The following CDH18 variants were observed in gnomAD, a reference collection of about 807,000 sequenced individuals.
CDH18 encodes cadherin 18.
Under a neutral mutation model 67.9 loss-of-function variants are expected in CDH18, and 31 were observed. That is an observed-to-expected ratio of 0.46 (90% CI 0.34 to 0.62). CDH18 has a LOEUF of 0.62. CDH18 is among the 20% of genes least tolerant of loss of function. CDH18 has a pLI of 0.01. For missense variants in CDH18, 890 were observed against 975.5 expected (o/e 0.91, Z 1.17); for synonymous variants, 362 against 347.2 (o/e 1.04, Z -0.48).
chr5:19,939,461 G>A (rs1356798343), intron 2 of CDH18, among the ~76,000 whole-genome samples: 1 of 151,202 alleles, frequency 6.6e-6, no homozygotes. Flanking sequence ...TTATAATCCA[G>A]GTTTATTTAG....
chr5:19,739,100 C>G (rs527419436), intron 4 of CDH18, among the ~76,000 whole-genome samples: 51 of 151,864 alleles, frequency 3.4e-4, no homozygotes, highest in South Asian at 6.2e-4. Flanking sequence ...GATATTGGAA[C>G]AATTATGTTC....
chr5:19,508,333 A>G (rs1188041296), intron 10 of CDH18, among the ~76,000 whole-genome samples: 2 of 152,088 alleles, frequency 1.3e-5, no homozygotes, highest in Non-Finnish European at 2.9e-5. Context: ...CAAATTTTCT[A>G]TCCCTTTGTC....
At chr5:20,362,770 A>G (rs1265758849) in intron 1 of CDH18, among the ~76,000 whole-genome samples, 6 of 152,108 alleles carry the variant, frequency 3.9e-5, no homozygotes, top group Admixed American at 3.9e-4. Context: ...AGTATTCTAA[A>G]TCTTTACCTT....
intron 2 of CDH18, among the ~76,000 whole-genome samples, chr5:19,935,181 G>T (rs1331859500): frequency 6.6e-6 from 1 of 151,158 alleles, no homozygotes; most frequent in Admixed American, 6.6e-5. Context: ...AAATATACCT[G>T]TTCATGACCA....
chr5:20,259,608 A>G (rs1401454188), intron 1 of CDH18, among the ~76,000 whole-genome samples: 2 of 152,168 alleles, frequency 1.3e-5, no homozygotes, highest in African/African-American at 4.8e-5. Context: ...TTTAGAATAC[A>G]GTATTTAATA....
chr5:19,642,836 A>G (rs1754209366), intron 5 of CDH18, among the ~76,000 whole-genome samples: 1 of 152,124 alleles, frequency 6.6e-6, no homozygotes, highest in Non-Finnish European at 1.5e-5. Context: ...AGTTCCATCA[A>G]ATTAACAATT....
At chr5:19,966,992 CATATA>C (rs1797509711) in intron 2 of CDH18, among the ~76,000 whole-genome samples, 1 of 151,356 alleles carries the variant, frequency 6.6e-6, no homozygotes, top group Admixed American at 6.6e-5. Flanking sequence ...ATAGCACATC[CATATA>C]ATATATTTGC....
In CDH18 at chr5:19,593,732, C is replaced by CTTCTTCTTCTTG. The variant is rs1554055013; in HGVS notation, c.812-2489_812-2488insCAAGAAGAAGAA. The stretch of plus-strand genomic sequence containing the variant: ...CCTTCTTCTTCTTCTTCTTCTTCTT[C>CTTCTTCTTCTTG]TTCTTCTTCTTCTTCTTCTTCTTCT... On this transcript the variant is annotated intron_variant, in intron 6 of 12. Coordinates refer to ENST00000382275, the MANE Select transcript of CDH18 (RefSeq NM_004934.5). 2.1e-3 allele frequency among the ~76,000 whole-genome samples: 272 copies of CTTCTTCTTCTTG among 129,228 alleles called. 6 individuals carry two copies. Among genetic ancestry groups the CTTCTTCTTCTTG allele is most frequent in the Middle Eastern group, 3.8e-3 (1 of 266 alleles). The allele number at this position is 129,228 out of a possible 152,430, so 84.8% of individuals were successfully genotyped here.
At chr5:20,208,164 A>T (rs973727262) in intron 2 of CDH18, among the ~76,000 whole-genome samples, 5 of 152,122 alleles carry the variant, frequency 3.3e-5, no homozygotes, top group African/African-American at 1.2e-4. Flanking sequence ...TCAGGAACTT[A>T]CAACCATGGC....
intron 1 of CDH18, among the ~76,000 whole-genome samples, chr5:20,476,079 T>A (rs1278740662): frequency 1.3e-5 from 2 of 152,136 alleles, no homozygotes; most frequent in Non-Finnish European, 2.9e-5. Flanking sequence ...TGGGAAAAAT[T>A]CTCAGCTTGC....
intron 2 of CDH18, among the ~76,000 whole-genome samples, chr5:20,204,453 G>A (rs1739717528): frequency 6.6e-6 from 1 of 151,868 alleles, no homozygotes; most frequent in Non-Finnish European, 1.5e-5. Context: ...ATACCTGAGA[G>A]AATTAATGAA....
chr5:20,334,750 T>TCACACACACA (rs1395879379), intron 1 of CDH18, among the ~76,000 whole-genome samples: 10 of 99,276 alleles, frequency 1.0e-4, no homozygotes, highest in Admixed American at 2.9e-4. Flanking sequence ...TCTCTCTCTC[T>TCACACACACA]CATACACACA....
At chr5:20,537,518 G>C (rs1320684429) in intron 1 of CDH18, among the ~76,000 whole-genome samples, 1 of 151,974 alleles carries the variant, frequency 6.6e-6, no homozygotes, top group Non-Finnish European at 1.5e-5. Flanking sequence ...ACAAAACATG[G>C]TCCTATTAAT....
intron 2 of CDH18, among the ~76,000 whole-genome samples, chr5:20,010,860 C>G (rs1393251283): frequency 6.6e-6 from 1 of 152,114 alleles, no homozygotes; most frequent in Non-Finnish European, 1.5e-5. Context: ...TCCTAAGACT[C>G]TCACGTGTAT....
Position 19,838,828 on chromosome 5 carries a change from C to T in CDH18, c.159G>A (p.Arg53=). The change falls in exon 3 of 13, where the codon AGG becomes AGA. Residue 53 remains arginine (R), a synonymous_variant. Coordinates refer to ENST00000382275, the MANE Select transcript of CDH18 (RefSeq NM_004934.5). ...GETEVHHRPK[R]GWVWNQFFVL... The stretch of plus-strand genomic sequence containing the variant: ...CAAAGAACTGATTCCATACCCATCC[C>T]CTTTTGGGACGATGATGGACTTCGG... The T allele has an allele frequency of 6.2e-7, 1 of 1,614,008 alleles. No homozygotes were observed. Among genetic ancestry groups the T allele is most frequent in the South Asian group, 1.1e-5 (1 of 91,084 alleles).
At chr5:20,523,477 A>C (rs893915565) in intron 1 of CDH18, among the ~76,000 whole-genome samples, 2 of 152,176 alleles carry the variant, frequency 1.3e-5, no homozygotes, top group Non-Finnish European at 2.9e-5. Context: ...ATGTAATCTT[A>C]AAACTCATTT....
intron 6 of CDH18, among the ~76,000 whole-genome samples, chr5:19,608,092 C>T (rs190008345): frequency 1.6e-4 from 24 of 151,006 alleles, no homozygotes; most frequent in East Asian, 7.8e-4. Context: ...CAATAACAGA[C>T]GAGCAAAAAT....
At chr5:20,056,907 G>C (rs1020382062) in intron 2 of CDH18, among the ~76,000 whole-genome samples, 12 of 151,220 alleles carry the variant, frequency 7.9e-5, no homozygotes, top group African/African-American at 2.9e-4. Context: ...GGATGGTCTC[G>C]ATCTCCTGAC....
At chr5:19,599,962 C>T (rs535787075) in intron 6 of CDH18, among the ~76,000 whole-genome samples, 19 of 152,094 alleles carry the variant, frequency 1.2e-4, no homozygotes, top group African/African-American at 4.6e-4. Context: ...CCATAATGTT[C>T]TCCATGTTTT....
Sources: allele counts gnomAD v4.1 joint callset (sites outside exome capture counted in the v4.1 genomes callset), GRCh38; gene constraint gnomAD v4.1.1; transcripts MANE v1.5; gene names NCBI Gene and HGNC (gene_info 2026-07-23, HGNC 2026-07-21).